The following CCDC93 variants were observed in gnomAD, a reference collection of about 807,000 sequenced individuals.
CCDC93 encodes the protein CCC complex scaffolding subunit CCDC93.
Under a neutral mutation model 108.2 loss-of-function variants are expected in CCDC93, and 61 were observed. The observed-to-expected ratio is 0.56, with a 90% confidence interval of 0.46 to 0.70. The LOEUF (loss-of-function observed/expected upper bound fraction) is 0.70. Among genes scored for constraint, CCDC93 ranks in the 30% least tolerant of loss-of-function variants. The pLI, the probability that CCDC93 is intolerant of heterozygous loss-of-function variation, is 0.00. For missense variants in CCDC93, 685 were observed against 764.2 expected (o/e 0.90, Z 1.22); for synonymous variants, 276 against 260.4 (o/e 1.06, Z -0.58).
At chr2:117,935,383 T>C (rs1031514426) in intron 22 of CCDC93, 112 bp downstream of exon 22, 2 of 740,776 alleles carry the variant, frequency 2.7e-6, no homozygotes, top group Admixed American at 4.7e-5. Flanking sequence ...AATGTGTCTT[T>C]TCAGGATTGA....
intron 7 of CCDC93, 149 bp downstream of exon 7, chr2:117,985,820 A>T (rs1203246544): frequency 1.8e-6 from 1 of 560,674 alleles, no homozygotes; most frequent in East Asian, 3.1e-5. Flanking sequence ...CAGGTAATTC[A>T]TTACCAGAGA....
In CCDC93 at chr2:117,988,509, G is replaced by A. The variant is rs551351106; in HGVS notation, c.520-2440C>T. On this transcript the variant is annotated intron_variant, in intron 6 of 23. Coordinates refer to ENST00000376300, the MANE Select transcript of CCDC93 (RefSeq NM_019044.5). ...GGGCCAGCCCATGCCCAACTCAACAGGAAGCGATACTTTCCATTGACCTTA... is the reference window on the plus strand; with the variant it reads ...GGGCCAGCCCATGCCCAACTCAACAAGAAGCGATACTTTCCATTGACCTTA... Among the ~76,000 whole-genome samples the A allele has an allele frequency of 5.1e-4, 78 of 152,312 alleles. 1 individual carries two copies. The South Asian group carries it at 0.015, about 30-fold the overall frequency.
chr2:117,947,808 C>T (rs909282170), intron 15 of CCDC93, among the ~76,000 whole-genome samples: 1 of 151,762 alleles, frequency 6.6e-6, no homozygotes, highest in Non-Finnish European at 1.5e-5. Context: ...ATTCTCCTGC[C>T]TCAGCCTCCC....
intron 7 of CCDC93, among the ~76,000 whole-genome samples, chr2:117,983,024 C>G (rs1262136128): frequency 6.6e-6 from 1 of 152,140 alleles, no homozygotes; most frequent in Non-Finnish European, 1.5e-5. Flanking sequence ...CATGTTAGAA[C>G]AGGGTTTTTT....
chr2:117,986,158 C>CTATT, intron 6 of CCDC93, 89 bp from the exon 7 acceptor site: 4 of 350,840 alleles, frequency 1.1e-5, no homozygotes, highest in Non-Finnish European at 2.0e-5. Context: ...GGGGTATATT[C>CTATT]TCTTTTTTTT....
intron 23 of CCDC93, among the ~76,000 whole-genome samples, chr2:117,928,425 C>A (rs1227363761): frequency 5.3e-5 from 8 of 151,922 alleles, no homozygotes; most frequent in African/African-American, 1.5e-4. Context: ...AGAAAAAAAA[C>A]AACCCCATCA....
At chr2:117,946,093 A>G (rs1240280254) in intron 16 of CCDC93, among the ~76,000 whole-genome samples, 3 of 152,144 alleles carry the variant, frequency 2.0e-5, no homozygotes, top group Non-Finnish European at 2.9e-5. Flanking sequence ...CAGGAGAGTG[A>G]TAACGGCCCT....
intron 6 of CCDC93, among the ~76,000 whole-genome samples, chr2:117,988,126 A>G (rs1343724488): frequency 1.3e-5 from 2 of 151,272 alleles, no homozygotes; most frequent in Admixed American, 6.6e-5. Context: ...ATATATATAT[A>G]TATGATATAT....
At chr2:118,002,989 G>A (rs1168966823) in intron 3 of CCDC93, among the ~76,000 whole-genome samples, 3 of 152,222 alleles carry the variant, frequency 2.0e-5, no homozygotes, top group Non-Finnish European at 4.4e-5. Context: ...AGAGAGCTAA[G>A]ATCACGCCAC....
At chr2:117,994,840 A>C (rs1680594566) in intron 6 of CCDC93, among the ~76,000 whole-genome samples, 1 of 152,234 alleles carries the variant, frequency 6.6e-6, no homozygotes, top group Non-Finnish European at 1.5e-5. Context: ...GCACACAGGC[A>C]CCTAGGCTTC....
At chr2:117,922,241 C>T (rs746991641) in intron 23 of CCDC93, among the ~76,000 whole-genome samples, 1 of 152,164 alleles carries the variant, frequency 6.6e-6, no homozygotes, top group Admixed American at 6.5e-5. Context: ...GATGCTTGTA[C>T]TTTTCGGTAG....
chr2:117,971,757 A>G (rs1022686249), intron 11 of CCDC93, among the ~76,000 whole-genome samples: 1 of 152,220 alleles, frequency 6.6e-6, no homozygotes, highest in African/African-American at 2.4e-5. Flanking sequence ...TCTTTTAGAC[A>G]TATATGATGA....
chr2:117,941,285 G>T lies in CCDC93; in HGVS notation c.1426C>A (p.Arg476=), dbSNP rs770401792. ...TTGCGGTGCAAAATTGCTATTTCTC[G>T]ATTTCTTCGAGCCTAAATGCAAAAG... The part of the protein sequence containing the change: ...KIRLLQARRN[R]EIAILHRKID... The change falls in exon 19 of 24, where the codon CGA becomes AGA. Residue 476 remains arginine (R), a synonymous_variant. Coordinates refer to ENST00000376300, the MANE Select transcript of CCDC93 (RefSeq NM_019044.5). The T allele has an allele frequency of 6.2e-7, 1 of 1,613,384 alleles. No homozygotes were observed. The highest frequency in any genetic ancestry group is 8.5e-7 in the Non-Finnish European group (1 of 1,179,430).
chr2:117,965,353 C>G (rs559469331), intron 11 of CCDC93, among the ~76,000 whole-genome samples: 1 of 152,238 alleles, frequency 6.6e-6, no homozygotes, highest in Non-Finnish European at 1.5e-5. Context: ...AGAAATCACA[C>G]AGGTGGCAGA....
chr2:117,969,861 C>T (rs1679706469), intron 11 of CCDC93, among the ~76,000 whole-genome samples: 1 of 152,320 alleles, frequency 6.6e-6, no homozygotes, highest in African/African-American at 2.4e-5. Flanking sequence ...GACAGACTCA[C>T]CCTTCCTTAC....
chr2:117,992,774 T>TTA (rs1680516148), intron 6 of CCDC93, among the ~76,000 whole-genome samples: 1 of 118,300 alleles, frequency 8.5e-6, no homozygotes. Context: ...ACTAGATGAG[T>TTA]TAGAGATGAA....
intron 6 of CCDC93, among the ~76,000 whole-genome samples, chr2:117,992,544 C>T (rs1351583898): frequency 6.6e-6 from 1 of 152,106 alleles, no homozygotes; most frequent in East Asian, 1.9e-4. Flanking sequence ...AGGCCGGACA[C>T]GTTTTCCTTT....
intron 1 of CCDC93, among the ~76,000 whole-genome samples, chr2:118,013,665 G>A (rs539885879): frequency 1.6e-4 from 24 of 152,292 alleles, no homozygotes; most frequent in African/African-American, 5.5e-4. Flanking sequence ...AGGACCCCGC[G>A]GCGCGTGGGG....
At chr2:118,010,145 T>C (rs886954644) in intron 1 of CCDC93, among the ~76,000 whole-genome samples, 2 of 151,966 alleles carry the variant, frequency 1.3e-5, no homozygotes, top group African/African-American at 4.8e-5. Flanking sequence ...TTAGTAGAGA[T>C]GGGGTTTCAC....
Sources: allele counts gnomAD v4.1 joint callset (sites outside exome capture counted in the v4.1 genomes callset), GRCh38; gene constraint gnomAD v4.1.1; transcripts MANE v1.5; gene names NCBI Gene and HGNC (gene_info 2026-07-23, HGNC 2026-07-21).